TMEM45A: variants seen among roughly 807,000 people sequenced by gnomAD.
The protein encoded by TMEM45A is transmembrane protein 45A.
A neutral mutation model predicts 32.0 loss-of-function variants in TMEM45A; 25 were observed. The ratio of observed to expected loss-of-function variants is 0.78; its 90% CI spans 0.57 to 1.09. The LOEUF is 1.09. TMEM45A is among the 50% of genes least tolerant of loss of function. TMEM45A has a pLI of 0.00. For missense variants in TMEM45A, 302 were observed against 325.0 expected (o/e 0.93, Z 0.54); for synonymous variants, 122 against 114.8 (o/e 1.06, Z -0.40).
intron 1 of TMEM45A, among the ~76,000 whole-genome samples, chr3:100,529,065 A>G (rs1705601265): frequency 1.3e-5 from 2 of 152,318 alleles, no homozygotes; most frequent in African/African-American, 4.8e-5. Flanking sequence ...TTGAAGGTTC[A>G]TTTTATAAAG....
At chr3:100,569,426 T>C (rs1238121300) in intron 5 of TMEM45A, among the ~76,000 whole-genome samples, 1 of 152,172 alleles carries the variant, frequency 6.6e-6, no homozygotes, top group African/African-American at 2.4e-5. Context: ...TGACTAATAT[T>C]TCTAAAAGTC....
At chr3:100,551,575 A>G (rs780549413) in intron 1 of TMEM45A, among the ~76,000 whole-genome samples, 4 of 152,218 alleles carry the variant, frequency 2.6e-5, no homozygotes, top group Non-Finnish European at 5.9e-5. Context: ...AAAGCAGGGA[A>G]CAAGAGATTT....
intron 1 of TMEM45A, among the ~76,000 whole-genome samples, chr3:100,541,100 G>A (rs1705864589): frequency 6.6e-6 from 1 of 152,162 alleles, no homozygotes; most frequent in Admixed American, 6.5e-5. Context: ...TTTTTCATAT[G>A]TCTGTTGGCC....
At chr3:100,569,414 A>G (rs1388086210) in intron 5 of TMEM45A, among the ~76,000 whole-genome samples, 1 of 152,162 alleles carries the variant, frequency 6.6e-6, no homozygotes, top group African/African-American at 2.4e-5. Context: ...CTAATTTGAC[A>G]TTGACTAATA....
chr3:100,516,793 A>G (rs1708268973), intron 1 of TMEM45A, among the ~76,000 whole-genome samples: 1 of 149,832 alleles, frequency 6.7e-6, no homozygotes, highest in South Asian at 2.1e-4. Flanking sequence ...AAGAGAGCCC[A>G]TTTTTTTTTT....
intron 1 of TMEM45A, among the ~76,000 whole-genome samples, chr3:100,512,542 C>G (rs536512602): frequency 3.7e-3 from 566 of 152,208 alleles, no homozygotes; most frequent in African/African-American, 0.013. Flanking sequence ...AAAATTGACA[C>G]CCTAACATCA....
intron 1 of TMEM45A, among the ~76,000 whole-genome samples, chr3:100,528,725 A>C (rs889300299): frequency 6.6e-6 from 1 of 152,190 alleles, no homozygotes; most frequent in African/African-American, 2.4e-5. Flanking sequence ...CTAAGTTTAA[A>C]AGAAAAGCTG....
At chr3:100,564,199 G>A (rs1286862472) in intron 4 of TMEM45A, among the ~76,000 whole-genome samples, 1 of 152,156 alleles carries the variant, frequency 6.6e-6, no homozygotes. Flanking sequence ...AGGTATTTTG[G>A]GAAAATGTAT....
intron 1 of TMEM45A, among the ~76,000 whole-genome samples, chr3:100,518,625 T>G (rs1383706636): frequency 6.6e-6 from 1 of 152,234 alleles, no homozygotes; most frequent in Non-Finnish European, 1.5e-5. Flanking sequence ...AGAAATGGCC[T>G]TATTGACTGG....
At position 100,509,547 on chromosome 3, in the gene TMEM45A, T is replaced by C. The variant is rs563101477; in HGVS notation, c.-4+16619T>C. 1.4e-4 allele frequency among the ~76,000 whole-genome samples: 22 copies of C among 152,270 alleles called. No homozygotes were observed. The East Asian group carries it at 3.9e-3, about 27-fold the overall frequency. On this transcript the variant is annotated intron_variant, in intron 1 of 5. Coordinates refer to ENST00000323523, the MANE Select transcript of TMEM45A (RefSeq NM_018004.3). ...TGGAATCAACCTAAGTGTCTATCAATGAATGAATGAATGGGTAAAGAAAAT... is the reference window on the plus strand; with the variant it reads ...TGGAATCAACCTAAGTGTCTATCAACGAATGAATGAATGGGTAAAGAAAAT...
chr3:100,556,839 C>A lies in TMEM45A; in HGVS notation c.270C>A (p.Leu90=). The change falls in exon 3 of 6, where the codon CTC becomes CTA. Residue 90 remains leucine (L), a synonymous_variant. Coordinates refer to ENST00000323523, the MANE Select transcript of TMEM45A (RefSeq NM_018004.3). The part of the protein sequence containing the change: ...YDYKQGHWNQ[L]LGWHHFTMYF... The stretch of plus-strand genomic sequence containing the variant: ...ATAAACAAGGTCACTGGAATCAACT[C>A]CTGGGCTGGCATCATTTCACCATGT... The A allele has an allele frequency of 6.2e-7, 1 of 1,614,134 alleles. No homozygotes were observed. The highest frequency in any genetic ancestry group is 1.3e-5 in the African/African-American group (1 of 75,026).
At chr3:100,501,713 G>A (rs1295332349) in intron 1 of TMEM45A, among the ~76,000 whole-genome samples, 1 of 152,068 alleles carries the variant, frequency 6.6e-6, no homozygotes, top group Non-Finnish European at 1.5e-5. Flanking sequence ...TCACTTTTTT[G>A]GGAGCCAAAC....
chr3:100,537,007 C>T (rs1049233549), intron 1 of TMEM45A, among the ~76,000 whole-genome samples: 2 of 152,162 alleles, frequency 1.3e-5, no homozygotes, highest in African/African-American at 2.4e-5. Context: ...CTACAACTTC[C>T]GCCTCCCAGG....
chr3:100,515,099 C>G (rs1324438052), intron 1 of TMEM45A, among the ~76,000 whole-genome samples: 2 of 148,302 alleles, frequency 1.3e-5, no homozygotes, highest in Non-Finnish European at 3.0e-5. Flanking sequence ...ACTAGAAATA[C>G]CATTTGACCC....
intron 1 of TMEM45A, among the ~76,000 whole-genome samples, chr3:100,509,969 C>T (rs546302501): frequency 2.8e-4 from 43 of 152,328 alleles, no homozygotes; most frequent in East Asian, 2.1e-3. Context: ...GAGGGTCCTA[C>T]GCCCACGGAG....
intron 4 of TMEM45A, among the ~76,000 whole-genome samples, chr3:100,566,774 C>T (rs1008477916): frequency 2.6e-5 from 4 of 151,986 alleles, no homozygotes; most frequent in African/African-American, 9.7e-5. Context: ...TTTTCATGTG[C>T]TTATTGACCA....
At chr3:100,558,198 A>G (rs1361332075) in intron 3 of TMEM45A, among the ~76,000 whole-genome samples, 1 of 152,234 alleles carries the variant, frequency 6.6e-6, no homozygotes, top group African/African-American at 2.4e-5. Context: ...GGTCAGGGAA[A>G]GCAAAAAGAG....
chr3:100,510,651 G>C lies in TMEM45A; in HGVS notation c.-4+17723G>C, dbSNP rs62276550. 8.4e-3 allele frequency among the ~76,000 whole-genome samples: 1,111 copies of C among 131,966 alleles called. 12 individuals are homozygous for C. Among genetic ancestry groups the C allele is most frequent in the African/African-American group, 0.029 (1,060 of 35,988 alleles). 86.6% of individuals were successfully genotyped at this position (131,966 alleles called of 152,430 possible). On this transcript the variant is annotated intron_variant, in intron 1 of 5. Transcript: ENST00000323523. ...TGACTTTGACGAGCTGAGAGAAGAA[G>C]GCTTCAGATGATCAAATTACTCTGA...
intron 1 of TMEM45A, among the ~76,000 whole-genome samples, chr3:100,544,637 T>A (rs1705949893): frequency 6.6e-6 from 1 of 152,212 alleles, no homozygotes; most frequent in African/African-American, 2.4e-5. Context: ...GTGTCTGTTT[T>A]GTTTCATGTA....
Sources: allele counts gnomAD v4.1 joint callset (sites outside exome capture counted in the v4.1 genomes callset), GRCh38; gene constraint gnomAD v4.1.1; transcripts MANE v1.5; gene names NCBI Gene and HGNC (gene_info 2026-07-23, HGNC 2026-07-21).